The following TXLNB variants were observed in gnomAD, a reference collection of about 807,000 sequenced individuals.
TXLNB encodes beta-taxilin.
Under a neutral mutation model 57.4 loss-of-function variants are expected in TXLNB, and 37 were observed. That is an observed-to-expected ratio of 0.64 (90% CI 0.50 to 0.85). TXLNB has a LOEUF of 0.85. Among genes scored for constraint, TXLNB ranks in the 40% least tolerant of loss-of-function variants. The pLI is 0.00. For missense variants in TXLNB, 848 were observed against 825.6 expected (o/e 1.03, Z -0.33); for synonymous variants, 302 against 309.6 (o/e 0.98, Z 0.26).
At chr6:139,266,977 A>C (rs1403110214) in intron 4 of TXLNB, among the ~76,000 whole-genome samples, 2 of 151,580 alleles carry the variant, frequency 1.3e-5, no homozygotes, top group Non-Finnish European at 2.9e-5. Context: ...AAAAAAAAAA[A>C]AAAACCCACG....
At chr6:139,162,801 G>A in the TXLNB span, among the ~76,000 whole-genome samples, 1 of 152,172 alleles carries the variant, frequency 6.6e-6, no homozygotes, top group East Asian at 1.9e-4. Flanking sequence ...GGTTGGGAAG[G>A]TTGTTGAGTA....
chr6:139,165,586 T>G, the TXLNB span, among the ~76,000 whole-genome samples: 1 of 146,556 alleles, frequency 6.8e-6, no homozygotes, highest in Admixed American at 6.8e-5. Flanking sequence ...GGCAACCACT[T>G]TTTTTTTTTT....
chr6:139,242,845 T>G lies in TXLNB; in HGVS notation c.1736A>C (p.Asn579Thr), dbSNP rs1301942535. The change falls in exon 10 of 10, where the codon AAT (asparagine) becomes ACT (threonine). Residue 579 changes from asparagine to threonine, a missense_variant. By Grantham distance (65) the Asn-to-Thr change is moderately conservative. Transcript: ENST00000358430. The part of the protein sequence containing the change: ...SDAEPPSKAS[N>T]SPAGLGAETQ... ...TTCTGCTCCCAACCCGGCAGGAGAA[T>G]TACTGGCCTTGGAGGGAGGTTCAGC... The G allele has an allele frequency of 6.2e-7, 1 of 1,614,074 alleles. No homozygotes were observed. The highest frequency in any genetic ancestry group is 8.5e-7 in the Non-Finnish European group (1 of 1,180,010).
At chr6:139,221,034 T>C in the TXLNB span, among the ~76,000 whole-genome samples, 1 of 152,168 alleles carries the variant, frequency 6.6e-6, no homozygotes, top group Non-Finnish European at 1.5e-5. Flanking sequence ...ACAGGTAGAA[T>C]GTCTGTTGGA....
At chr6:139,178,328 A>T in the TXLNB span, 8 of 152,288 alleles carry the variant, frequency 5.3e-5, no homozygotes, top group African/African-American at 1.9e-4. Context: ...TAATGCTTTA[A>T]ATAGACTGAC....
At chr6:139,317,544 C>T in the TXLNB span, among the ~76,000 whole-genome samples, 9 of 151,950 alleles carry the variant, frequency 5.9e-5, no homozygotes, top group Non-Finnish European at 1.2e-4. Context: ...GGACTACAGG[C>T]GCCCGCCACC....
At chr6:139,200,775 C>T in the TXLNB span, among the ~76,000 whole-genome samples, 1 of 152,150 alleles carries the variant, frequency 6.6e-6, no homozygotes, top group African/African-American at 2.4e-5. Flanking sequence ...AATTTCATGA[C>T]CTAGTGTTTC....
intron 6 of TXLNB, among the ~76,000 whole-genome samples, chr6:139,256,936 T>C (rs1440508273): frequency 6.6e-6 from 1 of 152,232 alleles, no homozygotes; most frequent in Non-Finnish European, 1.5e-5. Flanking sequence ...GTTTGACCTA[T>C]TGGTCTAAAT....
chr6:139,200,557 G>A, the TXLNB span, among the ~76,000 whole-genome samples: 77,054 of 151,978 alleles, frequency 0.51, 20,526 homozygotes, highest in Non-Finnish European at 0.58. Context: ...GGTGGATGTC[G>A]GGAGATGAGT....
rs368528629 is a variant in TXLNB, at chr6:139,242,675, C to G, written c.1906G>C (p.Ala636Pro). The change falls in exon 10 of 10, where the codon GCA becomes CCA. Residue 636 changes from alanine to proline, a missense_variant. Ala to Pro is a conservative substitution (Grantham distance 27). Coordinates refer to ENST00000358430, the MANE Select transcript of TXLNB (RefSeq NM_153235.4). ...MEADVPAPACAAEEHVAAMVP... is the reference protein window; with the variant it reads ...MEADVPAPACPAEEHVAAMVP... ...ATGGCTGCAACGTGCTCTTCTGCTG[C>G]GCATGCTGGAGCAGGCACATCTGCC... is the stretch of plus-strand genomic sequence containing the variant. The G allele has an allele frequency of 6.8e-6, 11 of 1,611,084 alleles. No individual in the cohort carries two copies. In the African/African-American group the frequency reaches 1.1e-4, roughly 16 times the overall value.
chr6:139,170,368 AACTT>A, the TXLNB span: 1 of 152,200 alleles, frequency 6.6e-6, no homozygotes, highest in Non-Finnish European at 1.5e-5. Flanking sequence ...AAATGTAACT[AACTT>A]ACCAGGCTTA....
At chr6:139,243,361 T>TGATAAGC in intron 9 of TXLNB, 47 bp from the exon 10 acceptor site, 1 of 1,534,590 alleles carries the variant, frequency 6.5e-7, no homozygotes, top group Non-Finnish European at 8.8e-7. Context: ...TGAAATGACA[T>TGATAAGC]GATAAGCAAA....
the TXLNB span, among the ~76,000 whole-genome samples, chr6:139,209,409 T>C: frequency 6.6e-6 from 1 of 152,102 alleles, no homozygotes. Flanking sequence ...CCCATCAAAA[T>C]ACTATCATCC....
chr6:139,162,929 C>T, the TXLNB span, among the ~76,000 whole-genome samples: 2 of 152,072 alleles, frequency 1.3e-5, no homozygotes, highest in African/African-American at 4.8e-5. Flanking sequence ...TCTTCTGTAC[C>T]CTGCCCATGC....
downstream of TXLNB, among the ~76,000 whole-genome samples, chr6:139,235,293 C>T (rs1041534908): frequency 6.6e-6 from 1 of 152,114 alleles, no homozygotes; most frequent in Admixed American, 6.5e-5. Flanking sequence ...AATGCCTATA[C>T]CCCCATTTTG....
At chr6:139,191,704 T>C in the TXLNB span, among the ~76,000 whole-genome samples, 1 of 152,228 alleles carries the variant, frequency 6.6e-6, no homozygotes, top group Non-Finnish European at 1.5e-5. Context: ...ATGTATGGAA[T>C]ACTTCTGTTA....
the TXLNB span, among the ~76,000 whole-genome samples, chr6:139,167,779 G>A: frequency 1.3e-5 from 2 of 152,204 alleles, no homozygotes; most frequent in East Asian, 1.9e-4. Flanking sequence ...AAAGATGAGA[G>A]TGTGTTGATA....
At chr6:139,249,963 CTCTG>C (rs1489095649) in intron 7 of TXLNB, among the ~76,000 whole-genome samples, 2 of 152,028 alleles carry the variant, frequency 1.3e-5, no homozygotes, top group East Asian at 1.9e-4. Context: ...GACACACACA[CTCTG>C]TCTCTCACAC....
At chr6:139,304,444 G>A in the TXLNB span, among the ~76,000 whole-genome samples, 1 of 152,130 alleles carries the variant, frequency 6.6e-6, no homozygotes, top group Non-Finnish European at 1.5e-5. Context: ...AGAGATAAAT[G>A]GAAAAGGCAA....
Sources: gnomAD v4.1 joint callset for allele counts (sites outside exome capture counted in the v4.1 genomes callset) on GRCh38, gnomAD v4.1.1 for gene constraint, MANE v1.5 for transcripts, NCBI Gene and HGNC (gene_info 2026-07-23, HGNC 2026-07-21) for gene names.